Variants in TOPORS observed in about 807,000 individuals in gnomAD.
TOPORS encodes TOP1 binding arginine/serine rich protein, E3 ubiquitin ligase.
TOPORS carries 25 observed loss-of-function variants against 81.4 expected under a neutral mutation model. The observed-to-expected ratio is 0.31, with a 90% CI of 0.22 to 0.43. The LOEUF (loss-of-function observed/expected upper bound fraction) is 0.43, where lower values mean the gene tolerates loss of function less well. TOPORS is among the 20% of genes least tolerant of loss of function. The pLI, the probability that TOPORS is intolerant of heterozygous loss-of-function variation, is 1.00. For synonymous variants in TOPORS, 473 were observed against 456.6 expected (o/e 1.04, Z -0.46); for missense variants, 1,101 against 1,267.0 (o/e 0.87, Z 1.99).
chr9:32,552,419 C>T lies in TOPORS; in HGVS notation c.3+15G>A. Reference sequence around the variant, plus strand: ...AGCTCCCGCCAGCTCCCGCGGACTGCTGCCGCCTCCTTACCATGAAGCCAG... The same window carrying T: ...AGCTCCCGCCAGCTCCCGCGGACTGTTGCCGCCTCCTTACCATGAAGCCAG... On this transcript the variant is annotated intron_variant, in intron 1 of 2. Transcript: ENST00000360538. 1 of 1,609,084 alleles carries T rather than the reference C, an allele frequency of 6.2e-7. No individual in the cohort carries two copies. Among genetic ancestry groups the T allele is most frequent in the Non-Finnish European group, 8.5e-7 (1 of 1,178,188 alleles).
chr9:32,551,899 T>C lies in TOPORS; in HGVS notation c.3+535A>G, dbSNP rs1240158899. 2.7e-5 allele frequency: 10 copies of C among 372,704 alleles called. No homozygotes were observed. In the East Asian group the frequency reaches 6.8e-4, roughly 25 times the overall value. The allele number at this position is 372,704 out of a possible 1,614,324, so 23.1% of individuals were successfully genotyped here. A position where few individuals can be genotyped will look rare whatever the true frequency, so the allele number is the denominator to read the frequency against. On this transcript the variant is annotated intron_variant, in intron 1 of 2. Transcript: ENST00000360538. ...GATTTACAGGGGTTCCCACAACGAT[T>C]TGTCACATATAAAAGAGTGGGTGGT...
intron 1 of TOPORS, 135 bp from the exon 2 acceptor site, chr9:32,551,103 G>T (rs1270034823): frequency 8.8e-7 from 1 of 1,140,032 alleles, no homozygotes; most frequent in Non-Finnish European, 1.3e-6. Flanking sequence ...CGCCGGCCTC[G>T]GGGGCGGGGC....
chr9:32,550,918 C>T lies in TOPORS; in HGVS notation c.54G>A (p.Ala18=), dbSNP rs1821233853. Residue 18 remains alanine (A), a synonymous_variant, in exon 2 of 3, where the codon GCG becomes GCA. Transcript: ENST00000360538. ...CCTCCGAAGCGGGAGCAGGCGGGGG[C>T]GCTTCACCCTCCTCGCGAGACAGCG... The part of the protein sequence containing the change: ...GSPLSREEGE[A]PPPAPASEGR... The T allele has an allele frequency of 6.2e-7, 1 of 1,612,634 alleles. No homozygotes were observed. The highest frequency in any genetic ancestry group is 8.5e-7 in the Non-Finnish European group (1 of 1,179,794).
rs762635429 is a variant in TOPORS, at chr9:32,543,953, G to A, written c.572C>T (p.Ser191Phe). 2 of 1,614,142 alleles carry A rather than the reference G, an allele frequency of 1.2e-6. No individual in the cohort carries two copies. The highest frequency in any genetic ancestry group is 2.7e-5 in the African/African-American group (2 of 75,048). ...CACAGGACCACTAGGTGAATACACA[G>A]AAGCATTTCGTTCCCTTGTCAGAGT... ...RTTLTRERNA[S>F]VYSPSGPVNR... is the part of the protein sequence containing the mutation. Residue 191 changes from serine (S) to phenylalanine (F), a missense_variant, in exon 3 of 3, where the codon TCT (serine) becomes TTT (phenylalanine). Transcript: ENST00000360538. This position sits in a 1 kb window ranked among gnomAD's most constrained non-coding sequence, Gnocchi z 5.6.
At chr9:32,546,042 T>C (rs1821136574) in intron 2 of TOPORS, among the ~76,000 whole-genome samples, 1 of 152,202 alleles carries the variant, frequency 6.6e-6, no homozygotes, top group African/African-American at 2.4e-5. Context: ...CTTGGCTTTC[T>C]CAGAACCATA....
At position 32,540,730 on chromosome 9, in the gene TOPORS, A is replaced by G. The variant is rs1479328769; in HGVS notation, c.*657T>C. 6.6e-6 allele frequency: 1 copy of G among 152,630 alleles called. No individual in the cohort carries two copies. Among genetic ancestry groups the G allele is most frequent in the Non-Finnish European group, 1.5e-5 (1 of 68,034 alleles). The allele number at this position is 152,630 out of a possible 1,614,324, so 9.5% of individuals were successfully genotyped here. Reference sequence around the variant, plus strand: ...ACTTTCAAGATTTTAACTTTACTAAAATAAACTTTAAAAAAAAATACTGCA... The same window carrying G: ...ACTTTCAAGATTTTAACTTTACTAAGATAAACTTTAAAAAAAAATACTGCA... On this transcript the variant is annotated 3_prime_UTR_variant, in exon 3 of 3. Transcript: ENST00000360538.
At chr9:32,550,739 G>A (rs776138193) in intron 2 of TOPORS, 35 bp downstream of exon 2, 2 of 1,610,598 alleles carry the variant, frequency 1.2e-6, no homozygotes, top group Non-Finnish European at 1.7e-6. Context: ...CGGCCCTTCC[G>A]ACCCCCGCGT....
At chr9:32,552,362 G>A (rs1202332518) in intron 1 of TOPORS, 72 bp downstream of exon 1, 5 of 1,584,214 alleles carry the variant, frequency 3.2e-6, no homozygotes, top group Admixed American at 1.8e-5. Flanking sequence ...GCGCCTGGCA[G>A]CCACCGCCTG....
chr9:32,550,805 G>GCGCT lies in TOPORS; in HGVS notation c.163_166dup (p.Ala56GlufsTer19). 1 of 1,612,592 alleles carries GCGCT rather than the reference G, an allele frequency of 6.2e-7. No homozygotes were observed. Among genetic ancestry groups the GCGCT allele is most frequent in the Non-Finnish European group, 8.5e-7 (1 of 1,179,670 alleles). On this transcript the variant is annotated frameshift_variant, in exon 2 of 3. Coordinates refer to ENST00000360538, the MANE Select transcript of TOPORS (RefSeq NM_005802.5). LOFTEE classifies it high-confidence loss of function. ...GGATGCCGGCGCAGGCCTGGCTGGG[G>GCGCT]CGCTCGCCGCGAGCTCCCGGCAGCC...
At chr9:32,551,738 A>G in intron 1 of TOPORS, 1 of 430,288 alleles carries the variant, frequency 2.3e-6, no homozygotes, top group Admixed American at 2.4e-5. Flanking sequence ...TTAGTATCTC[A>G]CGCGCGGCAG....
chr9:32,547,999 A>ATTTTTTTTTT lies in TOPORS; in HGVS notation c.198+2765_198+2774dup, dbSNP rs747727912. On this transcript the variant is annotated intron_variant, in intron 2 of 2. Transcript: ENST00000360538. ...ACAGGCGCCCGCCACCACGCTCGGC[A>ATTTTTTTTTT]TTTTTTTTTTTTTTTTTTTTTTTTG... 4.5e-3 allele frequency among the ~76,000 whole-genome samples: 376 copies of ATTTTTTTTTT among 83,716 alleles called. 1 individual carries two copies. Among genetic ancestry groups the ATTTTTTTTTT allele is most frequent in the Middle Eastern group, 8.8e-3 (1 of 114 alleles). The allele number at this position is 83,716 out of a possible 152,430, so 54.9% of individuals were successfully genotyped here.
intron 2 of TOPORS, among the ~76,000 whole-genome samples, chr9:32,549,530 G>A (rs1294259169): frequency 6.6e-6 from 1 of 152,026 alleles, no homozygotes; most frequent in Non-Finnish European, 1.5e-5. Flanking sequence ...TTGTGTGACG[G>A]GACATATTTC....
intron 1 of TOPORS, 22 bp downstream of exon 1, chr9:32,552,412 C>T: frequency 6.2e-7 from 1 of 1,608,902 alleles, no homozygotes; most frequent in Non-Finnish European, 8.5e-7. Context: ...CCAGCTCCCG[C>T]GGACTGCTGC....
Position 32,543,011 on chromosome 9 carries a change from C to T in TOPORS, c.1514G>A (p.Gly505Asp), listed in dbSNP as rs1387770957. ...VELSSDSEDL[G>D]SYEKMETVKT... is the part of the protein sequence containing the mutation. ...CACTGTCTCCATTTTCTCATAAGAA[C>T]CTAAGTCCTCAGAATCAGAGGACAG... Residue 505 changes from glycine to aspartate, a missense_variant, in exon 3 of 3, where the codon GGT becomes GAT. By Grantham distance (94) the Gly-to-Asp change is moderately conservative. Coordinates refer to ENST00000360538, the MANE Select transcript of TOPORS (RefSeq NM_005802.5). The surrounding 1 kb of genome is among the most constrained non-coding windows in gnomAD (Gnocchi z 5.6). 3.1e-6 allele frequency: 5 copies of T among 1,614,182 alleles called. No individual in the cohort carries two copies. The highest frequency in any genetic ancestry group is 4.2e-6 in the Non-Finnish European group (5 of 1,180,036).
chr9:32,551,888 C>T (rs1436893253), intron 1 of TOPORS: 4 of 381,306 alleles, frequency 1.0e-5, no homozygotes, highest in South Asian at 1.8e-5. Context: ...TACAGGGGTT[C>T]CCACAACGAT....
Position 32,542,558 on chromosome 9 carries a change from C to A in TOPORS, c.1967G>T (p.Arg656Ile). ...ACTACTTAGAGACAGAGTTTGGCTTCTTCTGGACCAACTGCTATCTCTAGT... is the reference window on the plus strand; with the variant it reads ...ACTACTTAGAGACAGAGTTTGGCTTATTCTGGACCAACTGCTATCTCTAGT... ...SRTRDSSWSRRSQTLSLSSES... is the reference protein window; with the variant it reads ...SRTRDSSWSRISQTLSLSSES... Residue 656 changes from arginine (R) to isoleucine (I), a missense_variant, in exon 3 of 3, where the codon AGA (arginine) becomes ATA (isoleucine). By Grantham distance (97) the Arg-to-Ile change is moderately conservative. Around this residue, in one of 9 missense-constraint regions of TOPORS, gnomAD observed 605 missense variants for 636.1 expected, o/e 0.95. Coordinates refer to ENST00000360538, the MANE Select transcript of TOPORS (RefSeq NM_005802.5). 1 of 1,614,106 alleles carries A rather than the reference C, an allele frequency of 6.2e-7. No individual in the cohort carries two copies. Among genetic ancestry groups the A allele is most frequent in the Non-Finnish European group, 8.5e-7 (1 of 1,180,038 alleles).
In TOPORS at chr9:32,541,604, T is replaced by C; in HGVS notation, c.2921A>G (p.Asn974Ser). The stretch of plus-strand genomic sequence containing the variant: ...TACAGTTTTGTTGGCATTATTCAAG[T>C]TGTTACTAAGTGTGGCAATATCACA... ...KECDIATLSN[N>S]LNNANKTVDN... The change falls in exon 3 of 3, where the codon AAC becomes AGC. Residue 974 changes from asparagine (N) to serine (S), a missense_variant. Asn to Ser is a conservative substitution (Grantham distance 46, BLOSUM62 1). Coordinates refer to ENST00000360538, the MANE Select transcript of TOPORS (RefSeq NM_005802.5). 6.2e-7 allele frequency: 1 copy of C among 1,614,216 alleles called. No homozygotes were observed. The highest frequency in any genetic ancestry group is 8.5e-7 in the Non-Finnish European group (1 of 1,180,038).
At position 32,542,170 on chromosome 9, in the gene TOPORS, G is replaced by T; in HGVS notation, c.2355C>A (p.Asp785Glu). The T allele has an allele frequency of 2.5e-6, 4 of 1,614,132 alleles. No individual in the cohort carries two copies. Among genetic ancestry groups the T allele is most frequent in the Non-Finnish European group, 3.4e-6 (4 of 1,180,018 alleles). The change falls in exon 3 of 3, where the codon GAC (aspartate) becomes GAA (glutamate). Residue 785 changes from aspartate to glutamate, a missense_variant. Coordinates refer to ENST00000360538, the MANE Select transcript of TOPORS (RefSeq NM_005802.5). Reference protein sequence around the residue: ...NRSRTASTGTDRVRNEKPGGK... With the variant: ...NRSRTASTGTERVRNEKPGGK... ...CTCCAGGCTTTTCATTTCTCACCCG[G>T]TCAGTCCCGGTAGATGCAGTCCTTG... is the stretch of plus-strand genomic sequence containing the variant.
At position 32,543,997 on chromosome 9, in the gene TOPORS, T is replaced by C. The variant is rs1263346960; in HGVS notation, c.528A>G (p.Arg176=). ...TCAGAGTTGTACGGTAGCGAAATCGTCGATCAGGGGTGACAAAAGAACCAT... is the reference window on the plus strand; with the variant it reads ...TCAGAGTTGTACGGTAGCGAAATCGCCGATCAGGGGTGACAAAAGAACCAT... ...SYNGSFVTPD[R]RFRYRTTLTR... is the part of the protein sequence containing the mutation. The change falls in exon 3 of 3, where the codon CGA becomes CGG. Residue 176 remains arginine (R), a synonymous_variant. Coordinates refer to ENST00000360538, the MANE Select transcript of TOPORS (RefSeq NM_005802.5). The surrounding 1 kb of genome is among the most constrained non-coding windows in gnomAD (Gnocchi z 5.6). 1 of 1,614,146 alleles carries C rather than the reference T, an allele frequency of 6.2e-7. No individual in the cohort carries two copies. Among genetic ancestry groups the C allele is most frequent in the South Asian group, 1.1e-5 (1 of 91,072 alleles).
Sources: gnomAD v4.1 joint callset for allele counts (sites outside exome capture counted in the v4.1 genomes callset) on GRCh38, gnomAD v4.1.1 for gene constraint, gnomAD v4.1.1 regional missense constraint, Gnocchi (gnomAD v3.1) non-coding constraint, MANE v1.5 for transcripts, NCBI Gene and HGNC (gene_info 2026-07-23, HGNC 2026-07-21) for gene names.